KCNJ6: variants seen among roughly 807,000 people sequenced by gnomAD.
KCNJ6 encodes the protein G protein-activated inward rectifier potassium channel 2.
KCNJ6 carries 9 observed loss-of-function variants against 34.2 expected under a neutral mutation model. The ratio of observed to expected loss-of-function variants is 0.26; its 90% CI spans 0.16 to 0.46. The LOEUF (loss-of-function observed/expected upper bound fraction) is 0.46, where lower values mean the gene tolerates loss of function less well. KCNJ6 is among the 20% of genes least tolerant of loss of function. The pLI is 1.00. For synonymous variants in KCNJ6, 196 were observed against 207.1 expected (o/e 0.95, Z 0.46); for missense variants, 236 against 531.3 (o/e 0.44, Z 5.46).
In KCNJ6 at chr21:37,619,471, A is replaced by G. The variant is rs1295479155; in HGVS notation, c.*5688T>C. On this transcript the variant is annotated 3_prime_UTR_variant, in exon 4 of 4. Coordinates refer to ENST00000609713, the MANE Select transcript of KCNJ6 (RefSeq NM_002240.5). ...TTTTCAAAGGACCTTTTGGTTTTCCATAAGAAGCATTTAGTTCTTTAATTA... is the reference window on the plus strand; with the variant it reads ...TTTTCAAAGGACCTTTTGGTTTTCCGTAAGAAGCATTTAGTTCTTTAATTA... The G allele has an allele frequency of 2.0e-5, 3 of 152,228 alleles. No individual in the cohort carries two copies. The highest frequency in any genetic ancestry group is 4.4e-5 in the Non-Finnish European group (3 of 68,038). 9.4% of individuals were successfully genotyped at this position (152,228 alleles called of 1,614,324 possible).
intron 2 of KCNJ6, among the ~76,000 whole-genome samples, chr21:37,800,183 TG>T (rs942059765): frequency 4.6e-5 from 7 of 152,172 alleles, no homozygotes; most frequent in African/African-American, 1.7e-4. Context: ...TTCCCTGGAA[TG>T]GAGACTTCTT....
intron 1 of KCNJ6, among the ~76,000 whole-genome samples, chr21:37,863,347 GC>G (rs900081614): frequency 1.5e-4 from 23 of 152,150 alleles, no homozygotes; most frequent in African/African-American, 4.6e-4. Context: ...TTGACTCTTT[GC>G]CCATATGCTA....
At chr21:37,852,571 G>C (rs1347430906) in intron 1 of KCNJ6, among the ~76,000 whole-genome samples, 3 of 152,198 alleles carry the variant, frequency 2.0e-5, no homozygotes, top group African/African-American at 7.2e-5. Flanking sequence ...TAACTCACCA[G>C]AGTGATGTCA....
In KCNJ6 at chr21:37,625,045, A is replaced by C; in HGVS notation, c.*114T>G. 1.2e-6 allele frequency: 1 copy of C among 820,358 alleles called. No homozygotes were observed. The highest frequency in any genetic ancestry group is 1.9e-6 in the Non-Finnish European group (1 of 512,876). The allele number at this position is 820,358 out of a possible 1,614,324, so 50.8% of individuals were successfully genotyped here. A position where few individuals can be genotyped will look rare whatever the true frequency, so the allele number is the denominator to read the frequency against. The stretch of plus-strand genomic sequence containing the variant: ...AAGATTTGTTTTCTGGTCATGTAAA[A>C]ATTAAATATAAACAAATAAAGAACA... On this transcript the variant is annotated 3_prime_UTR_variant, in exon 4 of 4. Coordinates refer to ENST00000609713, the MANE Select transcript of KCNJ6 (RefSeq NM_002240.5).
chr21:37,731,089 T>G (rs775915808), intron 2 of KCNJ6, among the ~76,000 whole-genome samples: 2 of 93,082 alleles, frequency 2.1e-5, no homozygotes, highest in Non-Finnish European at 4.2e-5. Flanking sequence ...CCATTGCAGA[T>G]AGATGAGAGA....
intron 1 of KCNJ6, among the ~76,000 whole-genome samples, chr21:37,869,612 G>A (rs974134272): frequency 1.3e-5 from 2 of 152,216 alleles, no homozygotes; most frequent in Non-Finnish European, 2.9e-5. Flanking sequence ...GGTGGCTGAT[G>A]ACATGGACTG....
chr21:37,671,858 C>T (rs1301652567), intron 3 of KCNJ6, among the ~76,000 whole-genome samples: 1 of 149,802 alleles, frequency 6.7e-6, no homozygotes, highest in Non-Finnish European at 1.5e-5. Context: ...TTTGTTTCTT[C>T]CTAGGTCCTT....
chr21:37,771,620 G>T (rs1170266457), intron 2 of KCNJ6, among the ~76,000 whole-genome samples: 1 of 152,202 alleles, frequency 6.6e-6, no homozygotes. Flanking sequence ...AGCCCCTGTA[G>T]GTGGTCCCAG....
chr21:37,875,402 C>G (rs569378635), intron 1 of KCNJ6, among the ~76,000 whole-genome samples: 8 of 152,274 alleles, frequency 5.3e-5, no homozygotes, highest in African/African-American at 9.6e-5. Context: ...TCCTCCTCCC[C>G]CTTCTTCCCA....
At position 37,745,093 on chromosome 21, in the gene KCNJ6, T is replaced by G. The variant is rs1427854667; in HGVS notation, c.26-29962A>C. On this transcript the variant is annotated intron_variant, in intron 2 of 3. Coordinates refer to ENST00000609713, the MANE Select transcript of KCNJ6 (RefSeq NM_002240.5). ...GCTGGTTTTTTTTTTTTTTTTTTTT[T>G]TTTTTTTTTTTTTTTTTGACAGACA... Among the ~76,000 whole-genome samples, 26 of 77,588 alleles carry G rather than the reference T, an allele frequency of 3.4e-4. 1 individual carries two copies. The highest frequency in any genetic ancestry group is 7.8e-4 in the African/African-American group (21 of 26,994). The allele number at this position is 77,588 out of a possible 152,430, so 50.9% of individuals were successfully genotyped here. A position where few individuals can be genotyped will look rare whatever the true frequency, so the allele number is the denominator to read the frequency against.
chr21:37,728,184 C>T (rs1412662736), intron 2 of KCNJ6, among the ~76,000 whole-genome samples: 3 of 152,196 alleles, frequency 2.0e-5, no homozygotes, highest in Admixed American at 6.5e-5. Flanking sequence ...ACATTATGCT[C>T]AGTGAAATAA....
intron 2 of KCNJ6, among the ~76,000 whole-genome samples, chr21:37,832,895 C>G (rs954918243): frequency 1.3e-5 from 2 of 152,182 alleles, no homozygotes; most frequent in African/African-American, 4.8e-5. Flanking sequence ...GACAGGTAGG[C>G]TGTCGTTCCA....
At chr21:37,653,963 C>T (rs914151447) in intron 3 of KCNJ6, among the ~76,000 whole-genome samples, 1 of 152,086 alleles carries the variant, frequency 6.6e-6, no homozygotes, top group African/African-American at 2.4e-5. Context: ...CAGGACCCTA[C>T]GGTGGCTCAA....
At chr21:37,750,322 G>A (rs775990474) in intron 2 of KCNJ6, among the ~76,000 whole-genome samples, 5 of 152,156 alleles carry the variant, frequency 3.3e-5, no homozygotes, top group East Asian at 1.9e-4. Context: ...ACAGTGTGGC[G>A]ATTCCTCAAA....
intron 2 of KCNJ6, among the ~76,000 whole-genome samples, chr21:37,820,055 TG>T (rs909130981): frequency 3.6e-4 from 55 of 152,274 alleles, no homozygotes; most frequent in African/African-American, 1.2e-3. Context: ...CCCAAAGTGC[TG>T]GGATTACAGA....
intron 2 of KCNJ6, among the ~76,000 whole-genome samples, chr21:37,804,825 A>G (rs1231846556): frequency 6.6e-6 from 1 of 152,150 alleles, no homozygotes; most frequent in East Asian, 1.9e-4. Context: ...TCTATCATTG[A>G]TGGGCATTGT....
At position 37,896,205 on chromosome 21, in the gene KCNJ6, G is replaced by A. The variant is rs577024670; in HGVS notation, c.-28+19679C>T. On this transcript the variant is annotated intron_variant, in intron 1 of 3. Transcript: ENST00000609713. ...CTCGTAAGAACTCACTCACTATGGC[G>A]AGGATAGTGCATGGATGGTGTTAAA... Among the ~76,000 whole-genome samples the A allele has an allele frequency of 2.6e-5, 4 of 152,302 alleles. No homozygotes were observed. In the East Asian group the frequency reaches 5.8e-4, roughly 22 times the overall value.
At chr21:37,716,222 C>T (rs1204672042) in intron 2 of KCNJ6, among the ~76,000 whole-genome samples, 1 of 152,038 alleles carries the variant, frequency 6.6e-6, no homozygotes, top group Non-Finnish European at 1.5e-5. Context: ...ATGCATTGTA[C>T]TTTAATGGTT....
intron 1 of KCNJ6, among the ~76,000 whole-genome samples, chr21:37,905,760 G>C (rs1005061158): frequency 2.0e-5 from 3 of 152,158 alleles, no homozygotes; most frequent in African/African-American, 7.2e-5. Flanking sequence ...ACTGAAGTCA[G>C]GGCATTTTTT....
Sources: allele counts gnomAD v4.1 joint callset (sites outside exome capture counted in the v4.1 genomes callset), GRCh38; gene constraint gnomAD v4.1.1; transcripts MANE v1.5; gene names NCBI Gene and HGNC (gene_info 2026-07-23, HGNC 2026-07-21).